Variants in RPS6KC1 observed in about 807,000 individuals in gnomAD.
The protein encoded by RPS6KC1 is ribosomal protein S6 kinase C1.
A neutral mutation model predicts 103.8 loss-of-function variants in RPS6KC1; 54 were observed. That is an observed-to-expected ratio of 0.52 (90% CI 0.42 to 0.65). The LOEUF is 0.65. RPS6KC1 is among the 30% of genes least tolerant of loss of function. The probability of loss-of-function intolerance (pLI) is 0.00; values close to 1 mark genes in which losing one functional copy is unlikely to be tolerated. For synonymous variants in RPS6KC1, 439 were observed against 438.7 expected (o/e 1.00, Z -0.01); for missense variants, 1,151 against 1,253.8 (o/e 0.92, Z 1.24).
At chr1:213,414,671 A>G in the RPS6KC1 span, among the ~76,000 whole-genome samples, 56 of 152,298 alleles carry the variant, frequency 3.7e-4, no homozygotes, top group Non-Finnish European at 2.5e-4. Context: ...CCATTGTTTC[A>G]GGCCACCTGG....
the RPS6KC1 span, among the ~76,000 whole-genome samples, chr1:213,343,218 A>C: frequency 1.3e-5 from 2 of 151,462 alleles, no homozygotes; most frequent in Non-Finnish European, 2.9e-5. Context: ...TATTTTATAG[A>C]GCAAAAAGAA....
intron 1 of RPS6KC1, among the ~76,000 whole-genome samples, chr1:213,064,629 A>G (rs892560089): frequency 8.0e-5 from 12 of 150,880 alleles, no homozygotes; most frequent in Non-Finnish European, 8.8e-5. Flanking sequence ...GGGCCTCCCA[A>G]AGTGCTGAGA....
At chr1:213,734,590 T>C in the RPS6KC1 span, among the ~76,000 whole-genome samples, 1 of 152,194 alleles carries the variant, frequency 6.6e-6, no homozygotes, top group Non-Finnish European at 1.5e-5. Flanking sequence ...ATGACATATC[T>C]TATGCAGCTG....
At chr1:213,662,421 C>G in the RPS6KC1 span, among the ~76,000 whole-genome samples, 7 of 139,648 alleles carry the variant, frequency 5.0e-5, no homozygotes, top group Non-Finnish European at 1.5e-5. Flanking sequence ...GCCATCACAC[C>G]TGGCTAATTT....
the RPS6KC1 span, among the ~76,000 whole-genome samples, chr1:213,746,401 T>G: frequency 3.3e-5 from 5 of 151,996 alleles, no homozygotes; most frequent in Admixed American, 1.3e-4. Context: ...GCACCTGGGG[T>G]GTCTGGTGGA....
At chr1:213,262,012 T>C (rs1198480425) in intron 13 of RPS6KC1, among the ~76,000 whole-genome samples, 2 of 152,230 alleles carry the variant, frequency 1.3e-5, no homozygotes, top group Non-Finnish European at 1.5e-5. Context: ...CAGGAGAGAA[T>C]TCTTATTTAA....
chr1:213,487,590 C>T, the RPS6KC1 span, among the ~76,000 whole-genome samples: 5 of 152,006 alleles, frequency 3.3e-5, no homozygotes, highest in African/African-American at 9.7e-5. Context: ...TCCTACAAGG[C>T]CCTGCTCAGT....
the RPS6KC1 span, among the ~76,000 whole-genome samples, chr1:213,797,368 C>T: frequency 2.0e-5 from 3 of 152,208 alleles, no homozygotes; most frequent in African/African-American, 4.8e-5. Context: ...GTGTTCATCA[C>T]AGCTAATTTA....
At chr1:213,637,513 T>C in the RPS6KC1 span, among the ~76,000 whole-genome samples, 4 of 152,118 alleles carry the variant, frequency 2.6e-5, no homozygotes, top group Non-Finnish European at 5.9e-5. Context: ...CATGTATACC[T>C]ATGTAACAGG....
rs538274810 is a variant in RPS6KC1 at position 213,122,019 on chromosome 1, T to G, written c.472+4609T>G. The stretch of plus-strand genomic sequence containing the variant: ...AAGGATCTATTAAACTGTCTTGAAT[T>G]AACTATTTTAAAGTAAATGAAATGT... On this transcript the variant is annotated intron_variant, in intron 5 of 14. Transcript: ENST00000366960. Among the ~76,000 whole-genome samples, 3 of 152,302 alleles carry G rather than the reference T, an allele frequency of 2.0e-5. No homozygotes were observed. In the South Asian group the frequency reaches 6.2e-4, roughly 32 times the overall value.
the RPS6KC1 span, among the ~76,000 whole-genome samples, chr1:213,388,484 A>T: frequency 6.6e-6 from 1 of 152,190 alleles, no homozygotes; most frequent in East Asian, 1.9e-4. Flanking sequence ...CACATTCTTC[A>T]TGCAATTCTT....
chr1:213,483,292 G>T, the RPS6KC1 span, among the ~76,000 whole-genome samples: 1 of 152,182 alleles, frequency 6.6e-6, no homozygotes. Context: ...CTCCCATGAC[G>T]TGGGGATTAT....
chr1:213,788,981 T>C, the RPS6KC1 span, among the ~76,000 whole-genome samples: 1 of 152,248 alleles, frequency 6.6e-6, no homozygotes, highest in African/African-American at 2.4e-5. Flanking sequence ...GGGAAAAAAG[T>C]AGCAGGGGTG....
At chr1:213,551,769 A>T in the RPS6KC1 span, among the ~76,000 whole-genome samples, 1 of 152,146 alleles carries the variant, frequency 6.6e-6, no homozygotes, top group Admixed American at 6.5e-5. Flanking sequence ...CATTTTGTGG[A>T]TTTGGACAAA....
At chr1:213,813,675 C>A in the RPS6KC1 span, among the ~76,000 whole-genome samples, 2 of 152,164 alleles carry the variant, frequency 1.3e-5, no homozygotes, top group African/African-American at 2.4e-5. Flanking sequence ...AGGCTGTGTT[C>A]TTCAGGAGAA....
At chr1:213,357,046 G>A in the RPS6KC1 span, among the ~76,000 whole-genome samples, 2 of 152,206 alleles carry the variant, frequency 1.3e-5, no homozygotes, top group African/African-American at 4.8e-5. Context: ...AGGACCAGGG[G>A]CTGGGAGAGT....
chr1:213,584,558 C>G, the RPS6KC1 span, among the ~76,000 whole-genome samples: 1 of 152,334 alleles, frequency 6.6e-6, no homozygotes, highest in Non-Finnish European at 1.5e-5. Flanking sequence ...AGATAATTTT[C>G]AAATCTTCCT....
intron 6 of RPS6KC1, 49 bp from the exon 7 acceptor site, chr1:213,167,809 T>A (rs1227618721): frequency 2.5e-6 from 3 of 1,202,898 alleles, no homozygotes; most frequent in Non-Finnish European, 3.6e-6. Context: ...AATTTTCAGG[T>A]TGAACTGAGG....
At chr1:213,072,325 T>C (rs1031893992) in intron 2 of RPS6KC1, among the ~76,000 whole-genome samples, 1 of 152,148 alleles carries the variant, frequency 6.6e-6, no homozygotes, top group African/African-American at 2.4e-5. Flanking sequence ...TTATACATTA[T>C]CATTTCTGGC....
Sources: gnomAD v4.1 joint callset for allele counts (sites outside exome capture counted in the v4.1 genomes callset) on GRCh38, gnomAD v4.1.1 for gene constraint, MANE v1.5 for transcripts, NCBI Gene and HGNC (gene_info 2026-07-23, HGNC 2026-07-21) for gene names.